The following ABCA7 variants were observed in gnomAD, a reference collection of about 807,000 sequenced individuals.
ABCA7 encodes phospholipid-transporting ATPase ABCA7.
A neutral mutation model predicts 227.6 loss-of-function variants in ABCA7; 261 were observed. That is an observed-to-expected ratio of 1.15 (90% confidence interval 1.04 to 1.27). The LOEUF (loss-of-function observed/expected upper bound fraction) is 1.27. Among genes scored for constraint, ABCA7 ranks in the 50% most tolerant of loss-of-function variants. The pLI, the probability that ABCA7 is intolerant of heterozygous loss-of-function variation, is 0.00. For synonymous variants in ABCA7, 1,488 were observed against 1,279.7 expected, an observed-to-expected ratio of 1.16 and a Z score of -3.47; for missense variants, 3,331 against 2,924.5, an observed-to-expected ratio of 1.14 and a Z score of -3.21.
At position 1,051,013 on chromosome 19, in the gene ABCA7, A is replaced by T; in HGVS notation, c.2645A>T (p.His882Leu). 1 of 1,612,072 alleles carries T rather than the reference A, an allele frequency of 6.2e-7. No homozygotes were observed. The highest frequency in any genetic ancestry group is 8.5e-7 in the Non-Finnish European group (1 of 1,179,656). The change falls in exon 19 of 47, where the codon CAC (histidine) becomes CTC (leucine). Residue 882 changes from histidine (H) to leucine (L), a missense_variant. Coordinates refer to ENST00000263094, the MANE Select transcript of ABCA7 (RefSeq NM_019112.4). ...VRSSMAAIRP[H>L]LGVCPQYNVL... ...TCCAGCATGGCCGCCATCCGGCCCC[A>T]CCTGGGCGTCTGTCCTCAGTACAAC...
chr19:1,060,205 A>ATTT (rs1223098062), intron 40 of ABCA7, among the ~76,000 whole-genome samples: 10 of 49,204 alleles, frequency 2.0e-4, no homozygotes, highest in African/African-American at 6.8e-4. Context: ...GTATATATAT[A>ATTT]TATTTTTTTT....
At position 1,054,403 on chromosome 19, in the gene ABCA7, C is replaced by A; in HGVS notation, c.3726+62C>A. The A allele has an allele frequency of 6.4e-7, 1 of 1,555,474 alleles. No individual in the cohort carries two copies. The highest frequency in any genetic ancestry group is 1.2e-5 in the South Asian group (1 of 85,804). On this transcript the variant is annotated intron_variant, in intron 27 of 46. Coordinates refer to ENST00000263094, the MANE Select transcript of ABCA7 (RefSeq NM_019112.4). The surrounding 1 kb of genome is among the most constrained non-coding windows in gnomAD (Gnocchi z 4.8). ...CCCTGAGTTCCCTACCCTGGCCGTC[C>A]ACTCAGTGGCCTAATCCAAACCCTT...
intron 42 of ABCA7, 95 bp from the exon 43 acceptor site, chr19:1,063,449 C>T: frequency 6.6e-7 from 1 of 1,512,364 alleles, no homozygotes; most frequent in Middle Eastern, 2.3e-4. Context: ...CCATTATGCC[C>T]CTGCTCCACA....
rs371927519 is a variant in ABCA7, at chr19:1,045,805, CCTGA to C, written c.1446-422_1446-419del. Reference sequence around the variant, plus strand: ...CACGAGGTCAGGAGATCAAGACCATCCTGACTAACTCGGTGAAACCCTGCCTCTA... The same window carrying C: ...CACGAGGTCAGGAGATCAAGACCATCCTAACTCGGTGAAACCCTGCCTCTA... On this transcript the variant is annotated intron_variant, in intron 12 of 46. Coordinates refer to ENST00000263094, the MANE Select transcript of ABCA7 (RefSeq NM_019112.4). 4.4e-3 allele frequency among the ~76,000 whole-genome samples: 664 copies of C among 152,090 alleles called. 9 individuals carry two copies. Among genetic ancestry groups the C allele is most frequent in the African/African-American group, 0.015 (609 of 41,472 alleles).
At position 1,058,233 on chromosome 19, in the gene ABCA7, C is replaced by T. The variant is rs148795173; in HGVS notation, c.5113C>T (p.Arg1705Trp). ...GGGCCGGGGGCTCATTGACATGGTG[C>T]GGAACCAGGCCATGGCTGATGCCTT... is the stretch of plus-strand genomic sequence containing the variant. ...CLGRGLIDMVRNQAMADAFER... is the reference protein window; with the variant it reads ...CLGRGLIDMVWNQAMADAFER... Residue 1705 changes from arginine to tryptophan, a missense_variant, in exon 37 of 47, where the codon CGG (arginine) becomes TGG (tryptophan). Arg to Trp is a moderately radical substitution (Grantham distance 101). Coordinates refer to ENST00000263094, the MANE Select transcript of ABCA7 (RefSeq NM_019112.4). 1.9e-5 allele frequency: 30 copies of T among 1,613,526 alleles called. No individual in the cohort carries two copies. The highest frequency in any genetic ancestry group is 1.7e-4 in the Middle Eastern group (1 of 6,034).
At position 1,042,841 on chromosome 19, in the gene ABCA7, T is replaced by C; in HGVS notation, c.579+15T>C. 6.4e-7 allele frequency: 1 copy of C among 1,568,646 alleles called. No homozygotes were observed. ...TGGCCCAGGAGGTACGAGGCCCCAC[T>C]CATCCTCAACCCCCATGGAGGCAAC... is the stretch of plus-strand genomic sequence containing the variant. On this transcript the variant is annotated intron_variant, in intron 7 of 46. Transcript: ENST00000263094.
At chr19:1,049,223 G>C in intron 17 of ABCA7, 43 bp from the exon 18 acceptor site, 1 of 1,551,862 alleles carries the variant, frequency 6.4e-7, no homozygotes, top group Non-Finnish European at 8.7e-7. Flanking sequence ...CAGGCCCCAG[G>C]ACCCCCATGA....
At chr19:1,045,256 G>GGGGT in intron 12 of ABCA7, 25 bp downstream of exon 12, 2 of 862,024 alleles carry the variant, frequency 2.3e-6, no homozygotes, top group Non-Finnish European at 3.7e-6. Flanking sequence ...GGGGCGGGGG[G>GGGGT]ATGAGGGACT....
At position 1,043,473 on chromosome 19, in the gene ABCA7, G is replaced by A. The variant is rs913301046; in HGVS notation, c.930G>A (p.Gln310=). Residue 310 remains glutamine, a splice_region_variant and synonymous_variant, in exon 9 of 47, where the codon CAG becomes CAA. Transcript: ENST00000263094. ...CTTTTACCCGGAAGCTCATGGCCCAGGTGGGGGCAGCCTGGATGCTGGGGT... is the reference window on the plus strand; with the variant it reads ...CTTTTACCCGGAAGCTCATGGCCCAAGTGGGGGCAGCCTGGATGCTGGGGT... ...DTPFTRKLMA[Q]VNRTFEELTL... is the part of the protein sequence containing the mutation. The A allele has an allele frequency of 6.2e-7, 1 of 1,613,248 alleles. No individual in the cohort carries two copies. Among genetic ancestry groups the A allele is most frequent in the Non-Finnish European group, 8.5e-7 (1 of 1,180,022 alleles).
Position 1,042,299 on chromosome 19 carries a change from T to G in ABCA7, c.416-16T>G. The stretch of plus-strand genomic sequence containing the variant: ...ACGTCCCCCCAGCCCCATGCTCCCG[T>G]GCGCTCCTCCCCCAGCCCAGCCTCA... On this transcript the variant is annotated splice_polypyrimidine_tract_variant and intron_variant, in intron 5 of 46. Coordinates refer to ENST00000263094, the MANE Select transcript of ABCA7 (RefSeq NM_019112.4). 6.3e-7 allele frequency: 1 copy of G among 1,575,026 alleles called. No individual in the cohort carries two copies. The highest frequency in any genetic ancestry group is 8.7e-7 in the Non-Finnish European group (1 of 1,154,766).
At chr19:1,064,274 G>A in intron 45 of ABCA7, 21 bp downstream of exon 45, 2 of 1,543,198 alleles carry the variant, frequency 1.3e-6, no homozygotes, top group Non-Finnish European at 1.7e-6. Context: ...GCGGCCTCCA[G>A]GCAGGTGTGG....
At position 1,045,027 on chromosome 19, in the gene ABCA7, C is replaced by T. The variant is rs10405305; in HGVS notation, c.1241C>T (p.Ala414Val). 31 of 1,612,562 alleles carry T rather than the reference C, an allele frequency of 1.9e-5. No individual in the cohort carries two copies. The highest frequency in any genetic ancestry group is 2.4e-5 in the Non-Finnish European group (28 of 1,179,940). ...TGCCTGTCCTTGGACAAGCTGGAGGCGGCACCCTCAGAGGCAGCCCTGGTG... is the reference window on the plus strand; with the variant it reads ...TGCCTGTCCTTGGACAAGCTGGAGGTGGCACCCTCAGAGGCAGCCCTGGTG... ...TECLSLDKLE[A>V]APSEAALVSR... The change falls in exon 12 of 47, where the codon GCG (alanine) becomes GTG (valine). Residue 414 changes from alanine (A) to valine (V), a missense_variant. Transcript: ENST00000263094.
intron 35 of ABCA7, 137 bp downstream of exon 35, chr19:1,057,566 A>ATTCAGTGGTGT (rs1160379730): frequency 6.6e-6 from 6 of 907,780 alleles, no homozygotes; most frequent in Non-Finnish European, 1.0e-5. Context: ...GTGTGATCCA[A>ATTCAGTGGTGT]TTCAGTGGTG....
chr19:1,042,041 T>G, intron 4 of ABCA7, 23 bp from the exon 5 acceptor site: 1 of 1,586,740 alleles, frequency 6.3e-7, no homozygotes, highest in Non-Finnish European at 8.5e-7. Context: ...GAACCCCGCC[T>G]CCTGCCCTCT....
At position 1,054,779 on chromosome 19, in the gene ABCA7, G is replaced by A; in HGVS notation, c.3852-1G>A. ...GACCCTACATCTCCCCTCACACACA[G>A]TGAGGACGCCCCAGGGGACCCTGGA... is the stretch of plus-strand genomic sequence containing the variant. On this transcript the variant is annotated splice_acceptor_variant, in intron 28 of 46. Coordinates refer to ENST00000263094, the MANE Select transcript of ABCA7 (RefSeq NM_019112.4). LOFTEE classifies it high-confidence loss of function. The surrounding 1 kb of genome is among the most constrained non-coding windows in gnomAD (Gnocchi z 4.8). 2 of 1,603,958 alleles carry A rather than the reference G, an allele frequency of 1.2e-6. No homozygotes were observed. The highest frequency in any genetic ancestry group is 8.5e-7 in the Non-Finnish European group (1 of 1,175,776).
At position 1,054,783 on chromosome 19, in the gene ABCA7, G is replaced by A; in HGVS notation, c.3855G>A (p.Glu1285=). Reference sequence around the variant, plus strand: ...CTACATCTCCCCTCACACACAGTGAGGACGCCCCAGGGGACCCTGGACGTG... The same window carrying A: ...CTACATCTCCCCTCACACACAGTGAAGACGCCCCAGGGGACCCTGGACGTG... The part of the protein sequence containing the change: ...MYGAQVSFFS[E]DAPGDPGRAR... The change falls in exon 29 of 47, where the codon GAG becomes GAA. Residue 1285 remains glutamate, a synonymous_variant. Coordinates refer to ENST00000263094, the MANE Select transcript of ABCA7 (RefSeq NM_019112.4). This position sits in a 1 kb window ranked among gnomAD's most constrained non-coding sequence, Gnocchi z 4.8. 6.2e-7 allele frequency: 1 copy of A among 1,601,352 alleles called. No individual in the cohort carries two copies. The highest frequency in any genetic ancestry group is 2.3e-5 in the East Asian group (1 of 44,156).
Position 1,041,847 on chromosome 19 carries a change from G to A in ABCA7, c.177G>A (p.Lys59=), listed in dbSNP as rs1348159349. The A allele has an allele frequency of 4.4e-6, 7 of 1,606,160 alleles. No individual in the cohort carries two copies. The South Asian group carries it at 7.7e-5, about 18-fold the overall frequency. The change falls in exon 4 of 47, where the codon AAG becomes AAA. Residue 59 remains lysine, a synonymous_variant. Coordinates refer to ENST00000263094, the MANE Select transcript of ABCA7 (RefSeq NM_019112.4). ...TCCCCGCAGGCCACTTCCCAAACAA[G>A]CCACTGCCATCGGCGGGCACCGTGC... ...LEHHECHFPN[K]PLPSAGTVPW... is the part of the protein sequence containing the mutation.
At chr19:1,061,043 A>G (rs1214918863) in intron 40 of ABCA7, among the ~76,000 whole-genome samples, 1 of 152,026 alleles carries the variant, frequency 6.6e-6, no homozygotes, top group Non-Finnish European at 1.5e-5. Flanking sequence ...TACATACCCC[A>G]ATATCTGCCT....
intron 45 of ABCA7, 54 bp downstream of exon 45, chr19:1,064,307 G>C: frequency 1.3e-6 from 2 of 1,493,580 alleles, no homozygotes; most frequent in East Asian, 4.9e-5. Flanking sequence ...CACGTAGGTA[G>C]GCTCAGGGGA....
Sources: allele counts gnomAD v4.1 joint callset (sites outside exome capture counted in the v4.1 genomes callset), GRCh38; gene constraint gnomAD v4.1.1; non-coding constraint Gnocchi (gnomAD v3.1); transcripts MANE v1.5; gene names NCBI Gene and HGNC (gene_info 2026-07-23, HGNC 2026-07-21).